Variants in PMM2 observed in about 807,000 individuals in gnomAD.
PMM2 encodes phosphomannomutase 2.
PMM2 carries 35 observed loss-of-function variants against 33.2 expected under a neutral mutation model. The observed-to-expected ratio is 1.06, with a 90% CI of 0.81 to 1.40. The LOEUF (loss-of-function observed/expected upper bound fraction) is 1.40. Among genes scored for constraint, PMM2 ranks in the 40% most tolerant of loss-of-function variants. The pLI, the probability that PMM2 is intolerant of heterozygous loss-of-function variation, is 0.00. For missense variants in PMM2, 386 were observed against 306.0 expected (o/e 1.26, Z -1.95); for synonymous variants, 153 against 114.7 (o/e 1.33, Z -2.13).
intron 7 of PMM2, chr16:8,832,966 C>T (rs1230996829): frequency 4.8e-6 from 4 of 841,578 alleles, no homozygotes; most frequent in Non-Finnish European, 5.4e-6. Context: ...GACTGGTCTC[C>T]CCAGGGCAGC....
chr16:8,801,680 T>C, intron 1 of PMM2, 119 bp from the exon 2 acceptor site: 1 of 652,112 alleles, frequency 1.5e-6, no homozygotes, highest in Non-Finnish European at 2.6e-6. Flanking sequence ...CAAAAAAAAA[T>C]TTTTTCTTTA....
intron 7 of PMM2, chr16:8,832,337 C>T: frequency 3.0e-6 from 3 of 985,420 alleles, no homozygotes; most frequent in Non-Finnish European, 3.6e-6. Context: ...GCTCCTGCAG[C>T]CAGGGTCGGG....
intron 7 of PMM2, among the ~76,000 whole-genome samples, chr16:8,825,192 G>A (rs1463719200): frequency 6.6e-6 from 1 of 152,038 alleles, no homozygotes; most frequent in Admixed American, 6.6e-5. Flanking sequence ...CACCACGCCT[G>A]GCTAATTTTT....
chr16:8,832,659 TG>T (rs2060817654), intron 7 of PMM2: 1 of 985,300 alleles, frequency 1.0e-6, no homozygotes. Context: ...TCCCTTCAAT[TG>T]CGTCCTCACC....
chr16:8,842,047 G>T (rs1186410051), intron 7 of PMM2, among the ~76,000 whole-genome samples: 1 of 150,344 alleles, frequency 6.7e-6, no homozygotes. Context: ...AAACAGTAAG[G>T]TCAAGTTGTT....
At chr16:8,806,649 C>T (rs2060649999) in intron 4 of PMM2, 1 of 556,142 alleles carries the variant, frequency 1.8e-6, no homozygotes, top group Non-Finnish European at 3.2e-6. Context: ...CAGTAGCCAC[C>T]ATGGGCCAGC....
chr16:8,816,305 T>C (rs948660830), intron 7 of PMM2, among the ~76,000 whole-genome samples: 7 of 151,828 alleles, frequency 4.6e-5, no homozygotes, highest in Non-Finnish European at 4.4e-5. Context: ...TTTGTATTTT[T>C]AGTAGAAATG....
Position 8,847,851 on chromosome 16 carries a change from C to A in PMM2, c.*26C>A. Reference sequence around the variant, plus strand: ...CGTGGGAGCGGGAGGGGCGGGGTCCCGGCTGACAAGCCAGCATAGGGCATT... The same window carrying A: ...CGTGGGAGCGGGAGGGGCGGGGTCCAGGCTGACAAGCCAGCATAGGGCATT... On this transcript the variant is annotated 3_prime_UTR_variant, in exon 8 of 8. Transcript: ENST00000268261. The A allele has an allele frequency of 6.4e-7, 1 of 1,565,722 alleles. No individual in the cohort carries two copies. The highest frequency in any genetic ancestry group is 1.1e-5 in the South Asian group (1 of 90,116).
chr16:8,845,757 C>T (rs1442198039), intron 7 of PMM2, among the ~76,000 whole-genome samples: 4 of 150,190 alleles, frequency 2.7e-5, no homozygotes, highest in Admixed American at 6.6e-5. Context: ...GTTAGGTTCT[C>T]TGTGACTTTT....
At chr16:8,811,531 CAAAT>C (rs1376172753) in intron 5 of PMM2, 103 bp from the exon 6 acceptor site, 16 of 801,004 alleles carry the variant, frequency 2.0e-5, no homozygotes, top group Admixed American at 7.9e-5. Flanking sequence ...AAAAACTAAA[CAAAT>C]AAATAAATCA....
intron 7 of PMM2, among the ~76,000 whole-genome samples, chr16:8,840,014 C>CA (rs1451706890): frequency 6.6e-6 from 1 of 151,778 alleles, no homozygotes; most frequent in Non-Finnish European, 1.5e-5. Context: ...AGGGCTGTTA[C>CA]AGGAAGTTCG....
At position 8,848,505 on chromosome 16, in the gene PMM2, GCT is replaced by G. The variant is rs1221709225; in HGVS notation, c.*683_*684del. 6.5e-6 allele frequency: 1 copy of G among 154,768 alleles called. No individual in the cohort carries two copies. The highest frequency in any genetic ancestry group is 1.4e-5 in the Non-Finnish European group (1 of 69,602). The allele number at this position is 154,768 out of a possible 1,614,324, so 9.6% of individuals were successfully genotyped here. On this transcript the variant is annotated 3_prime_UTR_variant, in exon 8 of 8. Transcript: ENST00000268261. ...CCTCGGCTGGGCCGGATTCGGACCGGCTCTGTGTTCACTACACTCAGAATAGC... is the reference window on the plus strand; with the variant it reads ...CCTCGGCTGGGCCGGATTCGGACCGGCTGTGTTCACTACACTCAGAATAGC...
intron 7 of PMM2, among the ~76,000 whole-genome samples, chr16:8,846,388 C>A (rs552988108): frequency 6.6e-6 from 1 of 152,038 alleles, no homozygotes; most frequent in African/African-American, 2.4e-5. Flanking sequence ...GTAAAGCAAT[C>A]GTAGATTATT....
chr16:8,842,752 G>A (rs1369032488), intron 7 of PMM2, among the ~76,000 whole-genome samples: 2 of 152,208 alleles, frequency 1.3e-5, no homozygotes, highest in Non-Finnish European at 2.9e-5. Context: ...TATAAGAAGA[G>A]TTTATAGGTT....
chr16:8,848,590 G>C lies in PMM2; in HGVS notation c.*765G>C, dbSNP rs1003781079. On this transcript the variant is annotated 3_prime_UTR_variant, in exon 8 of 8. Coordinates refer to ENST00000268261, the MANE Select transcript of PMM2 (RefSeq NM_000303.3). ...AGTGGGAACCAACAGCTGGGCTGGA[G>C]AGTTGGTGCTGGCAAAACAGTCCTT... 6.6e-6 allele frequency: 1 copy of C among 152,434 alleles called. No homozygotes were observed. Among genetic ancestry groups the C allele is most frequent in the Non-Finnish European group, 1.5e-5 (1 of 68,210 alleles). The allele number at this position is 152,434 out of a possible 1,614,324, so 9.4% of individuals were successfully genotyped here. A position where few individuals can be genotyped will look rare whatever the true frequency, so the allele number is the denominator to read the frequency against.
rs1190607031 is a variant in PMM2, at chr16:8,828,046, T to TTTA, written c.639+14940_639+14941insTTA. Among the ~76,000 whole-genome samples, 141 of 124,412 alleles carry TTTA rather than the reference T, an allele frequency of 1.1e-3. 3 individuals are homozygous for TTTA. The highest frequency in any genetic ancestry group is 1.8e-3 in the Non-Finnish European group (111 of 60,134). The allele number at this position is 124,412 out of a possible 152,430, so 81.6% of individuals were successfully genotyped here. On this transcript the variant is annotated intron_variant, in intron 7 of 7. Transcript: ENST00000268261. ...AACTCTTTTTTTTTTTTTTTTTTTT[T>TTTA]ACAAAATCTTTTTAAATTTCTTATT...
chr16:8,802,007 A>T (rs1423748256), intron 2 of PMM2, 97 bp downstream of exon 2: 24 of 844,920 alleles, frequency 2.8e-5, no homozygotes, highest in Non-Finnish European at 3.7e-5. Context: ...CCTTGTCCCC[A>T]TATGGCGGGC....
chr16:8,832,288 T>TCTCTGAAAG (rs1402049690), intron 7 of PMM2: 1 of 985,298 alleles, frequency 1.0e-6, no homozygotes, highest in African/African-American at 1.7e-5. Context: ...GCCGTGCGGC[T>TCTCTGAAAG]CTCTGAAAGC....
intron 7 of PMM2, among the ~76,000 whole-genome samples, chr16:8,838,974 A>G (rs973464186): frequency 2.0e-5 from 3 of 152,024 alleles, no homozygotes; most frequent in Non-Finnish European, 4.4e-5. Context: ...CTAAAGAGTC[A>G]ACTTGGGCCT....
Sources: gnomAD v4.1 joint callset for allele counts (sites outside exome capture counted in the v4.1 genomes callset) on GRCh38, gnomAD v4.1.1 for gene constraint, MANE v1.5 for transcripts, NCBI Gene and HGNC (gene_info 2026-07-23, HGNC 2026-07-21) for gene names.